Variants in FAM193B observed in about 807,000 individuals in gnomAD.
FAM193B encodes protein FAM193B.
In FAM193B, 27 loss-of-function variants were observed where a neutral mutation model predicts 70.7. The observed-to-expected ratio is 0.38, with a 90% CI of 0.28 to 0.53. The LOEUF (loss-of-function observed/expected upper bound fraction) is 0.53. Ranked by LOEUF, FAM193B falls within the 20% of genes least tolerant of loss-of-function variation. FAM193B has a pLI of 0.81. For missense variants in FAM193B, 1,022 were observed against 1,072.5 expected, an observed-to-expected ratio of 0.95 and a Z score of 0.66; for synonymous variants, 448 against 436.0, an observed-to-expected ratio of 1.03 and a Z score of -0.34.
At chr5:177,531,380 C>T (rs1468448255) in intron 5 of FAM193B, 1 of 1,360,606 alleles carries the variant, frequency 7.3e-7, no homozygotes, top group Admixed American at 1.9e-5. Context: ...TCATCCACAT[C>T]TCGGTGGTCC....
At chr5:177,549,985 G>A (rs1464498972) in intron 1 of FAM193B, among the ~76,000 whole-genome samples, 1 of 152,128 alleles carries the variant, frequency 6.6e-6, no homozygotes, top group Non-Finnish European at 1.5e-5. Flanking sequence ...GGTAAGTAAA[G>A]GTGTTAGGAT....
At chr5:177,550,588 A>C (rs987720708) in intron 1 of FAM193B, among the ~76,000 whole-genome samples, 1 of 152,242 alleles carries the variant, frequency 6.6e-6, no homozygotes, top group Non-Finnish European at 1.5e-5. Flanking sequence ...GGGGAAGGGT[A>C]GGATGAGTTC....
At chr5:177,526,728 G>A (rs998786212) in intron 5 of FAM193B, among the ~76,000 whole-genome samples, 2 of 152,146 alleles carry the variant, frequency 1.3e-5, no homozygotes, top group African/African-American at 4.8e-5. Context: ...GAGAAACCTC[G>A]ACTTTGGAAA....
chr5:177,544,583 A>G (rs1765200738), intron 1 of FAM193B, among the ~76,000 whole-genome samples: 1 of 152,242 alleles, frequency 6.6e-6, no homozygotes, highest in African/African-American at 2.4e-5. Context: ...TGAAAATTAA[A>G]ATTCTGAAAC....
At position 177,532,724 on chromosome 5, in the gene FAM193B, G is replaced by A. The variant is rs1763669365; in HGVS notation, c.1077-83C>T. 2.6e-5 allele frequency: 34 copies of A among 1,329,278 alleles called. No individual in the cohort carries two copies. Among genetic ancestry groups the A allele is most frequent in the Non-Finnish European group, 3.4e-5 (34 of 1,013,734 alleles). 82.3% of individuals were successfully genotyped at this position (1,329,278 alleles called of 1,614,324 possible). ...CATCCCAACCACCACCTGCCATCCT[G>A]ACCGCCCTTCACTTGCCCCACTCCA... On this transcript the variant is annotated intron_variant, in intron 4 of 8. Coordinates refer to ENST00000514747, the MANE Select transcript of FAM193B (RefSeq NM_001190946.3). The surrounding 1 kb of genome is among the most constrained non-coding windows in gnomAD (Gnocchi z 4.9).
At chr5:177,531,506 T>C in intron 5 of FAM193B, 1 of 983,836 alleles carries the variant, frequency 1.0e-6, no homozygotes, top group Non-Finnish European at 1.4e-6. Context: ...TTCCGACTCG[T>C]CGGGGCAGCG....
At chr5:177,523,822 G>C (rs28629788) in intron 7 of FAM193B, 135 bp downstream of exon 7, 69,179 of 925,006 alleles carry the variant, frequency 0.075, 3,604 homozygotes, top group East Asian at 0.2. Flanking sequence ...GAGGGCCTGG[G>C]GGGGCGGTGA....
chr5:177,544,752 A>C lies in FAM193B; in HGVS notation c.211-5605T>G, dbSNP rs1765214602. 2.0e-5 allele frequency among the ~76,000 whole-genome samples: 3 copies of C among 152,362 alleles called. No individual in the cohort carries two copies. In the South Asian group the frequency reaches 6.2e-4, roughly 32 times the overall value. The stretch of plus-strand genomic sequence containing the variant: ...ATCCAGTGAGCCTATTTTCCAAATG[A>C]CCAAAGCATGATGGATTCAAAGCAC... On this transcript the variant is annotated intron_variant, in intron 1 of 8. Coordinates refer to ENST00000514747, the MANE Select transcript of FAM193B (RefSeq NM_001190946.3).
intron 1 of FAM193B, 61 bp from the exon 2 acceptor site, chr5:177,539,208 G>GT: frequency 6.8e-7 from 1 of 1,473,346 alleles, no homozygotes; most frequent in Non-Finnish European, 9.0e-7. Context: ...CAAAATAATA[G>GT]TAACAATATT....
At chr5:177,541,126 G>GT (rs1254271066) in intron 1 of FAM193B, among the ~76,000 whole-genome samples, 4 of 152,206 alleles carry the variant, frequency 2.6e-5, no homozygotes, top group Non-Finnish European at 4.4e-5. Flanking sequence ...GCCTAAATCA[G>GT]TGTCTGCCAA....
In FAM193B at chr5:177,538,798, TG is replaced by T; in HGVS notation, c.453+106del. Reference sequence around the variant, plus strand: ...TGCAGCCCAGAAGTCTCTCAGTGCCTGGGCATGGGAGCTGCCCAAGGAGAGC... The same window carrying T: ...TGCAGCCCAGAAGTCTCTCAGTGCCTGGCATGGGAGCTGCCCAAGGAGAGC... On this transcript the variant is annotated intron_variant, in intron 2 of 8. Transcript: ENST00000514747. This position sits in a 1 kb window ranked among gnomAD's most constrained non-coding sequence, Gnocchi z 4.1. 1.4e-6 allele frequency: 2 copies of T among 1,462,864 alleles called. No homozygotes were observed. The highest frequency in any genetic ancestry group is 9.3e-7 in the Non-Finnish European group (1 of 1,073,552). The allele number at this position is 1,462,864 out of a possible 1,614,324, so 90.6% of individuals were successfully genotyped here. A position where few individuals can be genotyped will look rare whatever the true frequency, so the allele number is the denominator to read the frequency against.
chr5:177,546,279 T>A (rs1394482979), intron 1 of FAM193B, among the ~76,000 whole-genome samples: 1 of 152,242 alleles, frequency 6.6e-6, no homozygotes, highest in Non-Finnish European at 1.5e-5. Flanking sequence ...TTCTATTTAG[T>A]ATAGCATCAT....
chr5:177,526,324 A>G (rs1762591278), intron 5 of FAM193B, among the ~76,000 whole-genome samples: 4 of 152,210 alleles, frequency 2.6e-5, no homozygotes, highest in African/African-American at 9.7e-5. Flanking sequence ...GTATGAGGAC[A>G]GCTGAGAGTC....
In FAM193B at chr5:177,524,225, G is replaced by A; in HGVS notation, c.2256C>T (p.Arg752=). The A allele has an allele frequency of 6.5e-7, 1 of 1,547,976 alleles. No homozygotes were observed. The highest frequency in any genetic ancestry group is 8.7e-7 in the Non-Finnish European group (1 of 1,147,762). Residue 752 remains arginine, a synonymous_variant, in exon 6 of 9, where the codon CGC becomes CGT. Coordinates refer to ENST00000514747, the MANE Select transcript of FAM193B (RefSeq NM_001190946.3). ...GCTTCTCCTGCTTGTTGCGGCTCCG[G>A]CGGCTGCGGCCCTTGCCCTGGGGCA... ...QSLPQGKGRS[R]RSRNKQEKPA...
chr5:177,525,263 T>C (rs1762409128), intron 5 of FAM193B, 58 bp from the exon 6 acceptor site: 2 of 1,379,656 alleles, frequency 1.4e-6, no homozygotes, highest in Middle Eastern at 2.1e-4. Flanking sequence ...CACAATGTGA[T>C]ACCTGACCCA....
Position 177,532,584 on chromosome 5 carries a change from G to A in FAM193B, c.1134C>T (p.Pro378=), listed in dbSNP as rs771696042. 1 of 1,594,854 alleles carries A rather than the reference G, an allele frequency of 6.3e-7. No individual in the cohort carries two copies. The highest frequency in any genetic ancestry group is 8.5e-7 in the Non-Finnish European group (1 of 1,173,950). Residue 378 remains proline (P), a synonymous_variant, in exon 5 of 9, where the codon CCC becomes CCT. Coordinates refer to ENST00000514747, the MANE Select transcript of FAM193B (RefSeq NM_001190946.3). This position sits in a 1 kb window ranked among gnomAD's most constrained non-coding sequence, Gnocchi z 4.9. ...FAHSGLACQL[P]QPCEADEGLG... is the part of the protein sequence containing the mutation. ...GCCCCTCATCTGCCTCGCAGGGCTG[G>A]GGCAGCTGGCAAGCCAGGCCACTGT...
At chr5:177,550,154 TAAA>T in intron 1 of FAM193B, among the ~76,000 whole-genome samples, 1 of 149,350 alleles carries the variant, frequency 6.7e-6, no homozygotes, top group East Asian at 1.9e-4. Flanking sequence ...ATCTCTAAAT[TAAA>T]AAAAAAAATT....
chr5:177,547,527 T>G (rs28645440), intron 1 of FAM193B, among the ~76,000 whole-genome samples: 149,575 of 150,862 alleles, frequency 0.99, 74,174 homozygotes, highest in South Asian at 1. Context: ...CTCGTGATCC[T>G]CCCGTCTCGG....
rs757245014 is a variant in FAM193B at position 177,524,067 on chromosome 5, T to A, written c.2297-35A>T. 5.0e-6 allele frequency: 8 copies of A among 1,613,520 alleles called. No individual in the cohort carries two copies. The African/African-American group carries it at 1.1e-4, about 22-fold the overall frequency. On this transcript the variant is annotated intron_variant, in intron 6 of 8. Transcript: ENST00000514747. ...CACAGCCAGGAGGGCTCAGTGCCCA[T>A]GGCCAGGCCTTTGGGGTTATGCTCT...
Sources: allele counts gnomAD v4.1 joint callset (sites outside exome capture counted in the v4.1 genomes callset), GRCh38; gene constraint gnomAD v4.1.1; non-coding constraint Gnocchi (gnomAD v3.1); transcripts MANE v1.5; gene names NCBI Gene and HGNC (gene_info 2026-07-23, HGNC 2026-07-21).